Variants in PCID2 observed in about 807,000 individuals in gnomAD.
The protein encoded by PCID2 is PCI domain-containing protein 2.
Under a neutral mutation model 61.3 loss-of-function variants are expected in PCID2, and 41 were observed. The ratio of observed to expected loss-of-function variants is 0.67; its 90% CI spans 0.52 to 0.87. The LOEUF (loss-of-function observed/expected upper bound fraction) is 0.87, where lower values mean the gene tolerates loss of function less well. Among genes scored for constraint, PCID2 ranks in the 40% least tolerant of loss-of-function variants. The probability of loss-of-function intolerance (pLI) is 0.00; values close to 1 mark genes in which losing one functional copy is unlikely to be tolerated. For missense variants in PCID2, 392 were observed against 493.4 expected (o/e 0.79, Z 1.95); for synonymous variants, 187 against 177.8 (o/e 1.05, Z -0.41).
In PCID2 at chr13:113,177,680, A is replaced by G. The variant is rs1419033868; in HGVS notation, c.*518T>C. On this transcript the variant is annotated 3_prime_UTR_variant, in exon 14 of 14. Coordinates refer to ENST00000337344, the MANE Select transcript of PCID2 (RefSeq NM_001127202.4). ...AAATTGAGGAGCATCCATACAGGCAAGCTATAAAATCTGGAAAATTTAAAT... is the reference window on the plus strand; with the variant it reads ...AAATTGAGGAGCATCCATACAGGCAGGCTATAAAATCTGGAAAATTTAAAT... The G allele has an allele frequency of 2.0e-5, 3 of 152,292 alleles. No homozygotes were observed. Among genetic ancestry groups the G allele is most frequent in the Non-Finnish European group, 4.4e-5 (3 of 68,092 alleles). The allele number at this position is 152,292 out of a possible 1,614,324, so 9.4% of individuals were successfully genotyped here.
At chr13:113,185,258 G>A (rs771294172) in intron 8 of PCID2, among the ~76,000 whole-genome samples, 6 of 152,196 alleles carry the variant, frequency 3.9e-5, no homozygotes, top group East Asian at 1.9e-4. Context: ...GGCTGGGAGC[G>A]CTAACCTCAG....
At chr13:113,204,005 G>A (rs2039619514) in intron 1 of PCID2, among the ~76,000 whole-genome samples, 1 of 152,254 alleles carries the variant, frequency 6.6e-6, no homozygotes, top group Admixed American at 6.5e-5. Flanking sequence ...GCTCAACTAA[G>A]GGGCTTCTGG....
At chr13:113,172,978 T>C (rs536712380), downstream of PCID2, among the ~76,000 whole-genome samples, 2 of 152,246 alleles carry the variant, frequency 1.3e-5, no homozygotes, top group African/African-American at 4.8e-5. Context: ...GATGATGATA[T>C]GGGGAGGTGG....
At chr13:113,187,444 G>A (rs1198423511) in intron 7 of PCID2, 4 of 152,194 alleles carry the variant, frequency 2.6e-5, no homozygotes, top group African/African-American at 7.2e-5. Flanking sequence ...CTGGCGATGT[G>A]TACGAGGCTC....
At chr13:113,208,336 G>A (rs1339120868) in intron 1 of PCID2, 3 of 1,431,592 alleles carry the variant, frequency 2.1e-6, no homozygotes, top group African/African-American at 1.4e-5. Context: ...ACCTGGGACC[G>A]CCGCGTCTAC....
Position 113,193,663 on chromosome 13 carries a change from G to A in PCID2, c.363+1408C>T, listed in dbSNP as rs116304389. On this transcript the variant is annotated intron_variant, in intron 6 of 13. Coordinates refer to ENST00000337344, the MANE Select transcript of PCID2 (RefSeq NM_001127202.4). ...TTTTCTAATTAAAATTTCTAATACA[G>A]TAAATATAAATAGATATAACAAAAA... 7.2e-3 allele frequency among the ~76,000 whole-genome samples: 1,092 copies of A among 152,182 alleles called. 17 individuals are homozygous for A. Among genetic ancestry groups the A allele is most frequent in the African/African-American group, 0.025 (1,021 of 41,534 alleles).
chr13:113,171,729 C>T, the PCID2 span: 23 of 1,612,004 alleles, frequency 1.4e-5, no homozygotes, highest in Middle Eastern at 1.6e-4. This position sits in a 1 kb window ranked among gnomAD's most constrained non-coding sequence, Gnocchi z 5.1. Context: ...TGCCCAGGTG[C>T]GGGGCTCCCC....
intron 1 of PCID2, 71 bp downstream of exon 1, chr13:113,208,528 A>T: frequency 1.3e-6 from 2 of 1,575,826 alleles, no homozygotes; most frequent in Non-Finnish European, 1.7e-6. Flanking sequence ...TGAGGGTCCA[A>T]GGCAGGAGGG....
intron 1 of PCID2, chr13:113,208,255 C>G: frequency 7.0e-7 from 1 of 1,437,658 alleles, no homozygotes; most frequent in Non-Finnish European, 9.1e-7. Flanking sequence ...ACAGCGGGCC[C>G]TCGGCGTGGC....
the PCID2 span, chr13:113,171,943 G>A: frequency 1.7e-5 from 28 of 1,613,566 alleles, no homozygotes; most frequent in East Asian, 2.2e-5. This position sits in a 1 kb window ranked among gnomAD's most constrained non-coding sequence, Gnocchi z 5.1. Flanking sequence ...GCAGCGTGGC[G>A]GCCATGCACT....
At chr13:113,188,482 A>C (rs928070371) in intron 7 of PCID2, 3 of 152,246 alleles carry the variant, frequency 2.0e-5, no homozygotes, top group Non-Finnish European at 4.4e-5. Context: ...GTGGAAGTCC[A>C]CCTGGCCTTT....
intron 6 of PCID2, 98 bp from the exon 7 acceptor site, chr13:113,191,073 G>T (rs1415937179): frequency 2.8e-6 from 2 of 721,136 alleles, no homozygotes; most frequent in Non-Finnish European, 4.6e-6. Context: ...CCTCACTGCA[G>T]CCTCAACCTC....
chr13:113,196,996 A>G, intron 4 of PCID2, 182 bp downstream of exon 4: 1 of 1,535,060 alleles, frequency 6.5e-7, no homozygotes. Flanking sequence ...ACGAGTCTTC[A>G]GATCCATGCT....
At chr13:113,194,856 A>G (rs2038891525) in intron 6 of PCID2, among the ~76,000 whole-genome samples, 1 of 152,196 alleles carries the variant, frequency 6.6e-6, no homozygotes, top group Non-Finnish European at 1.5e-5. Context: ...CTCTCCCTCT[A>G]TATGAACAGT....
At chr13:113,208,010 C>A (rs763637301) in intron 1 of PCID2, 1 of 1,609,114 alleles carries the variant, frequency 6.2e-7, no homozygotes, top group East Asian at 2.2e-5. Context: ...TTTAACTGTG[C>A]TTCTGCTACT....
intron 1 of PCID2, among the ~76,000 whole-genome samples, chr13:113,206,091 A>G (rs2039789704): frequency 6.6e-6 from 1 of 152,234 alleles, no homozygotes; most frequent in Non-Finnish European, 1.5e-5. Context: ...GGAAACAGAG[A>G]GTCAATGAAG....
chr13:113,193,407 G>A (rs2038769755), intron 6 of PCID2, among the ~76,000 whole-genome samples: 1 of 152,090 alleles, frequency 6.6e-6, no homozygotes, highest in Non-Finnish European at 1.5e-5. Flanking sequence ...TTCACCATCA[G>A]GCAGAGAAAC....
At chr13:113,200,790 T>C (rs2039374347) in intron 1 of PCID2, 1 of 286,144 alleles carries the variant, frequency 3.5e-6, no homozygotes, top group Non-Finnish European at 6.7e-6. Context: ...AATAATTTCA[T>C]TTCAAAATAG....
intron 1 of PCID2, among the ~76,000 whole-genome samples, chr13:113,205,212 CTAAA>C (rs1026145421): frequency 1.1e-4 from 17 of 152,236 alleles, no homozygotes; most frequent in Admixed American, 1.3e-4. Flanking sequence ...AGCTGATTCC[CTAAA>C]TAAAGATGTT....
Sources: allele counts gnomAD v4.1 joint callset (sites outside exome capture counted in the v4.1 genomes callset), GRCh38; gene constraint gnomAD v4.1.1; non-coding constraint Gnocchi (gnomAD v3.1); transcripts MANE v1.5; gene names NCBI Gene and HGNC (gene_info 2026-07-23, HGNC 2026-07-21).